The following REC114 variants were observed in gnomAD, a reference collection of about 807,000 sequenced individuals.
The protein encoded by REC114 is meiotic recombination protein REC114.
Under a neutral mutation model 31.3 loss-of-function variants are expected in REC114, and 27 were observed. The observed-to-expected ratio is 0.86, with a 90% CI of 0.64 to 1.19. REC114 has a LOEUF of 1.19. Among genes scored for constraint, REC114 ranks in the 50% most tolerant of loss-of-function variants. The probability of loss-of-function intolerance (pLI) is 0.00; values close to 1 mark genes in which losing one functional copy is unlikely to be tolerated. For missense variants in REC114, 344 were observed against 326.9 expected, an observed-to-expected ratio of 1.05 and a Z score of -0.40; for synonymous variants, 134 against 127.7, an observed-to-expected ratio of 1.05 and a Z score of -0.33.
intron 2 of REC114, among the ~76,000 whole-genome samples, chr15:73,537,487 T>TC (rs1315093055): frequency 1.4e-5 from 2 of 146,812 alleles, no homozygotes; most frequent in African/African-American, 2.7e-5. Context: ...GTAGTGGGTA[T>TC]CCCCCCCTGA....
chr15:73,481,191 C>T (rs1386305085), intron 2 of REC114, among the ~76,000 whole-genome samples: 2 of 152,078 alleles, frequency 1.3e-5, no homozygotes, highest in Non-Finnish European at 2.9e-5. Flanking sequence ...ACTCAAAACA[C>T]GTCAACATGG....
At chr15:73,496,756 C>A (rs1349508184) in intron 2 of REC114, among the ~76,000 whole-genome samples, 1 of 151,994 alleles carries the variant, frequency 6.6e-6, no homozygotes, top group African/African-American at 2.4e-5. Flanking sequence ...TAATCCAAAC[C>A]AGGAAGTTAA....
At chr15:73,535,514 G>A (rs1485213915) in intron 2 of REC114, among the ~76,000 whole-genome samples, 5 of 150,436 alleles carry the variant, frequency 3.3e-5, no homozygotes, top group African/African-American at 7.4e-5. Flanking sequence ...CACTGCTCAA[G>A]GAAATAAAAG....
intron 2 of REC114, among the ~76,000 whole-genome samples, chr15:73,480,698 G>A (rs1366172823): frequency 6.6e-6 from 1 of 151,982 alleles, no homozygotes; most frequent in Non-Finnish European, 1.5e-5. Flanking sequence ...TTTTTTTTGA[G>A]ATGGAGTCTC....
intron 3 of REC114, among the ~76,000 whole-genome samples, chr15:73,544,189 T>C (rs1178859097): frequency 2.0e-5 from 3 of 152,156 alleles, no homozygotes; most frequent in Admixed American, 6.5e-5. Flanking sequence ...CAGGATTACA[T>C]ATCATTTTAT....
At position 73,551,004 on chromosome 15, in the gene REC114, T is replaced by C; in HGVS notation, c.400T>C (p.Cys134Arg). Residue 134 changes from cysteine (C) to arginine (R), a missense_variant, in exon 4 of 6, where the codon TGC (cysteine) becomes CGC (arginine). Cys to Arg is a radical substitution (Grantham distance 180). Coordinates refer to ENST00000331090, the MANE Select transcript of REC114 (RefSeq NM_001042367.2). ...AAAGGAGCAGGCGCTGGAACACTGC[T>C]GCAGTTGTGTTCAGAAGCTGGCACA... ...ESKEQALEHC[C>R]SCVQKLAQYI... The C allele has an allele frequency of 6.2e-7, 1 of 1,613,916 alleles. No homozygotes were observed. Among genetic ancestry groups the C allele is most frequent in the South Asian group, 1.1e-5 (1 of 91,084 alleles).
At chr15:73,535,891 T>C (rs1390622907) in intron 2 of REC114, among the ~76,000 whole-genome samples, 1 of 151,274 alleles carries the variant, frequency 6.6e-6, no homozygotes, top group African/African-American at 2.4e-5. Flanking sequence ...AACTATCTGA[T>C]CTTTGACAAA....
At chr15:73,514,287 G>A (rs9707929) in intron 2 of REC114, among the ~76,000 whole-genome samples, 70 of 150,984 alleles carry the variant, frequency 4.6e-4, no homozygotes, top group Non-Finnish European at 8.5e-4. Context: ...AGGCAATGCC[G>A]CGCCCTGCTT....
At chr15:73,460,683 A>G (rs981350188) in intron 1 of REC114, among the ~76,000 whole-genome samples, 1 of 145,694 alleles carries the variant, frequency 6.9e-6, no homozygotes, top group Non-Finnish European at 1.5e-5. Flanking sequence ...TGGTATAGTT[A>G]GTGATTTTAT....
chr15:73,487,648 C>A (rs1333588677), intron 2 of REC114, among the ~76,000 whole-genome samples: 1 of 152,226 alleles, frequency 6.6e-6, no homozygotes, highest in African/African-American at 2.4e-5. Context: ...GTGAGCACGG[C>A]CCACACAGCA....
chr15:73,482,295 G>A (rs970956844), intron 2 of REC114, among the ~76,000 whole-genome samples: 10 of 152,174 alleles, frequency 6.6e-5, no homozygotes, highest in African/African-American at 1.9e-4. Flanking sequence ...CTGTCCTCAC[G>A]ATAATAAGTG....
intron 1 of REC114, among the ~76,000 whole-genome samples, chr15:73,454,440 G>A (rs1287406359): frequency 6.6e-6 from 1 of 152,124 alleles, no homozygotes; most frequent in Non-Finnish European, 1.5e-5. Flanking sequence ...TAGCCAATGT[G>A]CACAGACAGT....
chr15:73,471,959 G>A (rs934160880), intron 1 of REC114, among the ~76,000 whole-genome samples: 1 of 152,142 alleles, frequency 6.6e-6, no homozygotes, highest in Non-Finnish European at 1.5e-5. Flanking sequence ...TATTTTAAGG[G>A]AAAAAGAAGC....
At chr15:73,530,160 G>A (rs1227498917) in intron 2 of REC114, among the ~76,000 whole-genome samples, 1 of 152,098 alleles carries the variant, frequency 6.6e-6, no homozygotes, top group Non-Finnish European at 1.5e-5. Context: ...ATTAAGTGTG[G>A]AATAGGTACT....
chr15:73,516,768 C>T (rs757688702), intron 2 of REC114, among the ~76,000 whole-genome samples: 5 of 152,186 alleles, frequency 3.3e-5, no homozygotes. Context: ...GCTGAGATTA[C>T]AGGCTCCTGC....
At chr15:73,505,940 T>G (rs1893669920) in intron 2 of REC114, among the ~76,000 whole-genome samples, 2 of 152,196 alleles carry the variant, frequency 1.3e-5, no homozygotes, top group African/African-American at 4.8e-5. Context: ...GGCTCTCTTC[T>G]TTTTATTCCT....
intron 2 of REC114, among the ~76,000 whole-genome samples, chr15:73,488,094 G>C (rs1893396904): frequency 6.6e-6 from 1 of 152,190 alleles, no homozygotes; most frequent in African/African-American, 2.4e-5. Flanking sequence ...CAGAATTCTG[G>C]GAGCAGAGAC....
At chr15:73,503,030 G>T (rs1166038862) in intron 2 of REC114, among the ~76,000 whole-genome samples, 2 of 152,188 alleles carry the variant, frequency 1.3e-5, no homozygotes, top group African/African-American at 4.8e-5. Context: ...CTGTTTGCAA[G>T]GATGCAGAAT....
chr15:73,473,388 TCAAAAAAAAAA>T (rs1271082508), intron 1 of REC114, among the ~76,000 whole-genome samples: 2 of 149,320 alleles, frequency 1.3e-5, no homozygotes, highest in African/African-American at 5.0e-5. Flanking sequence ...AAACTCTGTC[TCAAAAAAAAAA>T]CAAAAAAGAA....
Sources: allele counts gnomAD v4.1 joint callset (sites outside exome capture counted in the v4.1 genomes callset), GRCh38; gene constraint gnomAD v4.1.1; transcripts MANE v1.5; gene names NCBI Gene and HGNC (gene_info 2026-07-23, HGNC 2026-07-21).